The following SLC44A5 variants were observed in gnomAD, a reference collection of about 807,000 sequenced individuals.
The protein encoded by SLC44A5 is choline transporter-like protein 5.
Under a neutral mutation model 101.8 loss-of-function variants are expected in SLC44A5, and 57 were observed. The observed-to-expected ratio is 0.56, with a 90% CI of 0.45 to 0.70. SLC44A5 has a LOEUF of 0.70. Among genes scored for constraint, SLC44A5 ranks in the 30% least tolerant of loss-of-function variants. The pLI is 0.00. For missense variants in SLC44A5, 737 were observed against 853.1 expected (o/e 0.86, Z 1.70); for synonymous variants, 281 against 290.9 (o/e 0.97, Z 0.35).
chr1:75,324,669 G>T (rs1249656), intron 4 of SLC44A5, among the ~76,000 whole-genome samples: 72,200 of 151,970 alleles, frequency 0.48, 18,972 homozygotes, highest in East Asian at 0.82. Context: ...CAAGTTTATT[G>T]TGGCCACATC....
the SLC44A5 span, among the ~76,000 whole-genome samples, chr1:75,669,332 T>C: frequency 6.6e-6 from 1 of 152,200 alleles, no homozygotes; most frequent in East Asian, 1.9e-4. Flanking sequence ...GTCACTGTAC[T>C]GATTCCCTGC....
At chr1:75,509,278 AAG>A (rs1412786674) in intron 2 of SLC44A5, among the ~76,000 whole-genome samples, 1 of 152,242 alleles carries the variant, frequency 6.6e-6, no homozygotes. Flanking sequence ...AGAAAAGAGT[AAG>A]AGAAATGAAT....
chr1:75,252,665 G>A (rs946070179), intron 6 of SLC44A5, among the ~76,000 whole-genome samples: 1 of 152,154 alleles, frequency 6.6e-6, no homozygotes, highest in Non-Finnish European at 1.5e-5. Flanking sequence ...TTTTTCAATT[G>A]AATGTCTCTT....
chr1:75,582,415 T>C (rs1473776219), intron 1 of SLC44A5: 5 of 718,420 alleles, frequency 7.0e-6, no homozygotes, highest in Middle Eastern at 8.2e-4. Context: ...TTGGGAAGCA[T>C]GATCATGCCC....
At chr1:75,648,667 G>A in the SLC44A5 span, among the ~76,000 whole-genome samples, 3 of 152,024 alleles carry the variant, frequency 2.0e-5, no homozygotes, top group African/African-American at 7.2e-5. Flanking sequence ...AAATGCCAAG[G>A]TGCCCTATTT....
chr1:75,493,482 A>C (rs1374464643), intron 2 of SLC44A5, among the ~76,000 whole-genome samples: 3 of 152,222 alleles, frequency 2.0e-5, no homozygotes, highest in African/African-American at 7.2e-5. Flanking sequence ...TAGATAAATC[A>C]GCAACAAGCA....
At chr1:75,404,681 A>G (rs1662731171) in intron 2 of SLC44A5, among the ~76,000 whole-genome samples, 1 of 152,224 alleles carries the variant, frequency 6.6e-6, no homozygotes, top group Non-Finnish European at 1.5e-5. Flanking sequence ...CTGCCTTACA[A>G]GAGTTCCTGA....
chr1:75,440,091 G>A lies in SLC44A5; in HGVS notation c.14-43470C>T, dbSNP rs114963539. The stretch of plus-strand genomic sequence containing the variant: ...TTTATTCATTCACATTTATTTAGAT[G>A]CCACTATGTGTCAGAAACAGAAAAA... On this transcript the variant is annotated intron_variant, in intron 2 of 23. Transcript: ENST00000370859. Among the ~76,000 whole-genome samples, 826 of 152,166 alleles carry A rather than the reference G, an allele frequency of 5.4e-3. 7 individuals are homozygous for A. Among genetic ancestry groups the A allele is most frequent in the African/African-American group, 0.019 (793 of 41,532 alleles).
At chr1:75,416,829 G>A (rs1663679519) in intron 2 of SLC44A5, among the ~76,000 whole-genome samples, 1 of 152,318 alleles carries the variant, frequency 6.6e-6, no homozygotes, top group Admixed American at 6.5e-5. Flanking sequence ...GGGGCCTGTA[G>A]CCCCTTTGTT....
At chr1:75,286,919 A>T (rs926758947) in intron 5 of SLC44A5, among the ~76,000 whole-genome samples, 2 of 151,996 alleles carry the variant, frequency 1.3e-5, no homozygotes, top group African/African-American at 4.8e-5. Flanking sequence ...AACCTGATGT[A>T]TATGATGATC....
chr1:75,364,411 T>G (rs1194926070), intron 3 of SLC44A5, among the ~76,000 whole-genome samples: 1 of 152,132 alleles, frequency 6.6e-6, no homozygotes, highest in Non-Finnish European at 1.5e-5. Context: ...TGCTACACAC[T>G]TTTAAATGAC....
chr1:75,490,643 GAGAGA>G (rs1218638870), intron 2 of SLC44A5, among the ~76,000 whole-genome samples: 1 of 152,152 alleles, frequency 6.6e-6, no homozygotes, highest in Non-Finnish European at 1.5e-5. Flanking sequence ...GTTCATTGAA[GAGAGA>G]AAAGTTTGTA....
chr1:75,223,523 A>G (rs1194040038), intron 13 of SLC44A5, among the ~76,000 whole-genome samples: 1 of 152,254 alleles, frequency 6.6e-6, no homozygotes, highest in Non-Finnish European at 1.5e-5. Context: ...AAAGGTATGG[A>G]TCTTAAAATC....
chr1:75,695,796 T>C, the SLC44A5 span, among the ~76,000 whole-genome samples: 1 of 148,292 alleles, frequency 6.7e-6, no homozygotes, highest in Admixed American at 6.8e-5. Flanking sequence ...ATACTATGTA[T>C]ACTGTATGAA....
the SLC44A5 span, among the ~76,000 whole-genome samples, chr1:75,637,786 A>G: frequency 2.1e-3 from 318 of 152,164 alleles, 1 homozygote; most frequent in Non-Finnish European, 3.6e-3. Flanking sequence ...AAATTAAAAA[A>G]TATTTTATTG....
At chr1:75,396,689 T>C in intron 2 of SLC44A5, 68 bp from the exon 3 acceptor site, 2 of 1,177,232 alleles carry the variant, frequency 1.7e-6, no homozygotes, top group South Asian at 2.4e-5. Flanking sequence ...TCTATACACA[T>C]CTCTCCTTAT....
chr1:75,690,893 T>G, the SLC44A5 span, among the ~76,000 whole-genome samples: 1 of 152,062 alleles, frequency 6.6e-6, no homozygotes, highest in Non-Finnish European at 1.5e-5. Flanking sequence ...TTTGGGAGGC[T>G]GCAGCAGGCA....
chr1:75,385,047 C>A, intron 3 of SLC44A5, among the ~76,000 whole-genome samples: 1 of 152,334 alleles, frequency 6.6e-6, no homozygotes, highest in Admixed American at 6.5e-5. Context: ...CTCTGGGACA[C>A]ATTCAAAGCA....
At chr1:75,363,733 G>A (rs1659665799) in intron 3 of SLC44A5, among the ~76,000 whole-genome samples, 1 of 151,918 alleles carries the variant, frequency 6.6e-6, no homozygotes, top group Non-Finnish European at 1.5e-5. Flanking sequence ...CAGAATATTT[G>A]GAATATAATT....
Sources: gnomAD v4.1 joint callset for allele counts (sites outside exome capture counted in the v4.1 genomes callset) on GRCh38, gnomAD v4.1.1 for gene constraint, MANE v1.5 for transcripts, NCBI Gene and HGNC (gene_info 2026-07-23, HGNC 2026-07-21) for gene names.